Variants in LAMA2 observed in about 807,000 individuals in gnomAD.
LAMA2 encodes laminin subunit alpha 2.
Under a neutral mutation model 364.8 loss-of-function variants are expected in LAMA2, and 269 were observed. That is an observed-to-expected ratio of 0.74 (90% CI 0.67 to 0.82). The LOEUF is 0.82. Among genes scored for constraint, LAMA2 ranks in the 40% least tolerant of loss-of-function variants. LAMA2 has a pLI of 0.00. For synonymous variants in LAMA2, 1,379 were observed against 1,370.6 expected (o/e 1.01, Z -0.14); for missense variants, 3,807 against 3,873.2 (o/e 0.98, Z 0.45).
At chr6:128,883,799 TATACACACACACAC>T (rs1562797132) in intron 1 of LAMA2, among the ~76,000 whole-genome samples, 1 of 135,364 alleles carries the variant, frequency 7.4e-6, no homozygotes, top group African/African-American at 2.8e-5. Flanking sequence ...TATATATATA[TATACACACACACAC>T]ACACACACAC....
intron 1 of LAMA2, among the ~76,000 whole-genome samples, chr6:128,957,563 AGTC>A (rs1340934790): frequency 6.6e-6 from 1 of 152,104 alleles, no homozygotes; most frequent in Non-Finnish European, 1.5e-5. Flanking sequence ...GCCTTCTTGA[AGTC>A]GTGCTTATTA....
At chr6:129,102,945 A>T (rs1387505769) in intron 4 of LAMA2, among the ~76,000 whole-genome samples, 1 of 152,208 alleles carries the variant, frequency 6.6e-6, no homozygotes, top group Non-Finnish European at 1.5e-5. Flanking sequence ...AGTCCAAGCC[A>T]GCGTGTGTGG....
intron 1 of LAMA2, among the ~76,000 whole-genome samples, chr6:128,951,178 T>G (rs1780794652): frequency 6.6e-6 from 1 of 152,166 alleles, no homozygotes; most frequent in Non-Finnish European, 1.5e-5. Flanking sequence ...GATATGAATT[T>G]GAAAAGTAGT....
chr6:129,349,403 C>A lies in LAMA2; in HGVS notation c.4523+19C>A. ...GTGAAAGGTACCAACAGCCATGAAACGTACAGAGTAATGATATGTAGGGAC... is the reference window on the plus strand; with the variant it reads ...GTGAAAGGTACCAACAGCCATGAAAAGTACAGAGTAATGATATGTAGGGAC... On this transcript the variant is annotated intron_variant, in intron 31 of 64. Coordinates refer to ENST00000421865, the MANE Select transcript of LAMA2 (RefSeq NM_000426.4). The A allele has an allele frequency of 1.3e-6, 2 of 1,574,292 alleles. No homozygotes were observed. The highest frequency in any genetic ancestry group is 1.7e-6 in the Non-Finnish European group (2 of 1,143,960).
chr6:129,013,638 C>G (rs1582872448), intron 1 of LAMA2, among the ~76,000 whole-genome samples: 1 of 152,164 alleles, frequency 6.6e-6, no homozygotes, highest in East Asian at 1.9e-4. Context: ...GAACATGTAG[C>G]ACTTTGTAAG....
intron 30 of LAMA2, among the ~76,000 whole-genome samples, chr6:129,344,050 T>TA (rs1433466342): frequency 6.6e-6 from 1 of 152,136 alleles, no homozygotes; most frequent in Non-Finnish European, 1.5e-5. Flanking sequence ...AATCCTTAAA[T>TA]ACCAGTCTAA....
intron 3 of LAMA2, among the ~76,000 whole-genome samples, chr6:129,077,324 G>A (rs1015326710): frequency 2.0e-5 from 3 of 151,978 alleles, no homozygotes; most frequent in Admixed American, 6.6e-5. Context: ...GAAATGGAGT[G>A]GGCAAGTAAA....
At chr6:129,319,690 A>G (rs977444394) in intron 27 of LAMA2, among the ~76,000 whole-genome samples, 14 of 152,170 alleles carry the variant, frequency 9.2e-5, no homozygotes, top group African/African-American at 3.1e-4. Flanking sequence ...TCCACATATA[A>G]CTTTTGATAC....
chr6:129,135,918 A>T (rs1777765891), intron 4 of LAMA2, among the ~76,000 whole-genome samples: 1 of 152,228 alleles, frequency 6.6e-6, no homozygotes. Flanking sequence ...CTGAAGAAAG[A>T]AAAACACAAA....
intron 41 of LAMA2, among the ~76,000 whole-genome samples, chr6:129,428,214 G>A (rs1488554630): frequency 6.6e-6 from 1 of 152,122 alleles, no homozygotes; most frequent in Non-Finnish European, 1.5e-5. Flanking sequence ...AGGATCCCTT[G>A]GTGCCAAGAA....
At chr6:129,228,023 G>T (rs1583296790) in intron 12 of LAMA2, among the ~76,000 whole-genome samples, 1 of 152,242 alleles carries the variant, frequency 6.6e-6, no homozygotes. Context: ...TCAAGCCTCG[G>T]CAATGGCGGG....
rs772694260 is a variant in LAMA2, at chr6:129,445,661, A to G, written c.6275-6A>G. 3.1e-6 allele frequency: 5 copies of G among 1,613,580 alleles called. No individual in the cohort carries two copies. Among genetic ancestry groups the G allele is most frequent in the South Asian group, 1.1e-5 (1 of 91,066 alleles). ...TATACATGCACACTAATTTTGTTCT[A>G]TGCAGTTGCCGATGCAGATGCCACT... On this transcript the variant is annotated splice_region_variant and splice_polypyrimidine_tract_variant and intron_variant, in intron 44 of 64. Coordinates refer to ENST00000421865, the MANE Select transcript of LAMA2 (RefSeq NM_000426.4).
rs1787893555 is a variant in LAMA2 at position 129,050,106 on chromosome 6, T to C, written c.283+18T>C. On this transcript the variant is annotated intron_variant, in intron 2 of 64. Transcript: ENST00000421865. ...TCCAAACCGTATGTATTTTAGTGTG[T>C]AGGTGTGTGGCGCTGGGTAGGATCT... is the stretch of plus-strand genomic sequence containing the variant. 1 of 1,613,764 alleles carries C rather than the reference T, an allele frequency of 6.2e-7. No individual in the cohort carries two copies. Among genetic ancestry groups the C allele is most frequent in the South Asian group, 1.1e-5 (1 of 91,068 alleles).
chr6:129,513,637 T>A (rs537042777), intron 63 of LAMA2, among the ~76,000 whole-genome samples: 1 of 152,230 alleles, frequency 6.6e-6, no homozygotes, highest in East Asian at 1.9e-4. Flanking sequence ...AACTGACTAA[T>A]GTTTTTAGTG....
intron 1 of LAMA2, among the ~76,000 whole-genome samples, chr6:128,989,791 A>G (rs1783494339): frequency 2.0e-5 from 3 of 152,200 alleles, no homozygotes; most frequent in Admixed American, 2.0e-4. Flanking sequence ...AGCAAAGATA[A>G]TTTATTTCTC....
At chr6:129,148,884 T>C in intron 6 of LAMA2, 95 bp from the exon 7 acceptor site, 1 of 867,344 alleles carries the variant, frequency 1.2e-6, no homozygotes, top group Non-Finnish European at 2.0e-6. Context: ...ACAGTCCAGA[T>C]GTTTTCTCTT....
chr6:129,051,352 A>G (rs1433348134), intron 2 of LAMA2, among the ~76,000 whole-genome samples: 1 of 149,492 alleles, frequency 6.7e-6, no homozygotes, highest in Non-Finnish European at 1.5e-5. Context: ...TCACTCTGTC[A>G]CCCAGGCTGG....
intron 1 of LAMA2, among the ~76,000 whole-genome samples, chr6:129,014,729 T>G (rs1239449838): frequency 1.3e-5 from 2 of 152,108 alleles, no homozygotes; most frequent in African/African-American, 2.4e-5. Flanking sequence ...CATATTTCTT[T>G]GAAGCTAGAC....
chr6:129,148,098 TA>T (rs1010632435), intron 6 of LAMA2, among the ~76,000 whole-genome samples: 10 of 152,066 alleles, frequency 6.6e-5, no homozygotes, highest in African/African-American at 2.4e-4. Flanking sequence ...TTCTGCATTT[TA>T]AAAATCCCTT....
Sources: allele counts gnomAD v4.1 joint callset (sites outside exome capture counted in the v4.1 genomes callset), GRCh38; gene constraint gnomAD v4.1.1; transcripts MANE v1.5; gene names NCBI Gene and HGNC (gene_info 2026-07-23, HGNC 2026-07-21).